Variants in F2RL2 observed in about 807,000 individuals in gnomAD.
The protein encoded by F2RL2 is coagulation factor II thrombin receptor like 2, also known as proteinase-activated receptor 3.
In F2RL2, 4 loss-of-function variants were observed where a neutral mutation model predicts 4.3. The ratio of observed to expected loss-of-function variants is 0.93; its 90% CI spans 0.46 to 2.12. F2RL2 has a LOEUF of 2.12. F2RL2 is among the 30% of genes most tolerant of loss of function. The pLI, the probability that F2RL2 is intolerant of heterozygous loss-of-function variation, is 0.02. For missense variants in F2RL2, 408 were observed against 449.3 expected (o/e 0.91, Z 0.83); for synonymous variants, 166 against 170.9 (o/e 0.97, Z 0.22).
Position 76,619,775 on chromosome 5 carries a change from C to A in F2RL2, c.65-1133G>T, listed in dbSNP as rs549907065. Among the ~76,000 whole-genome samples, 4 of 152,226 alleles carry A rather than the reference C, an allele frequency of 2.6e-5. No homozygotes were observed. The East Asian group carries it at 7.7e-4, about 29-fold the overall frequency. ...CCTCGTGATCTGCCCGCCTCGGCCA[C>A]CCAAAGTGCTGGGATTACAGGCGTG... On this transcript the variant is annotated intron_variant, in intron 1 of 1. Transcript: ENST00000296641.
chr5:76,617,807 A>G lies in F2RL2; in HGVS notation c.900T>C (p.Val300=). The G allele has an allele frequency of 1.9e-6, 3 of 1,613,924 alleles. No homozygotes were observed. The highest frequency in any genetic ancestry group is 2.5e-6 in the Non-Finnish European group (3 of 1,179,864). ...TCACAAGGATGAGGAGACTCGCCTT[A>G]ACATACCACAACCATCTATGATCGT... ...NAYDHRWLWY[V]KASLLILVIF... Residue 300 remains valine, a synonymous_variant, in exon 2 of 2, where the codon GTT becomes GTC. Coordinates refer to ENST00000296641, the MANE Select transcript of F2RL2 (RefSeq NM_004101.4).
intron 1 of F2RL2, among the ~76,000 whole-genome samples, chr5:76,618,974 C>G (rs1749313069): frequency 6.6e-6 from 1 of 152,092 alleles, no homozygotes; most frequent in African/African-American, 2.4e-5. Context: ...TTAATAGATT[C>G]AGATGTTTGA....
rs1748979666 is a variant in F2RL2 at position 76,616,481 on chromosome 5, C to T, written c.*1101G>A. 6.5e-6 allele frequency: 1 copy of T among 152,712 alleles called. No homozygotes were observed. The allele number at this position is 152,712 out of a possible 1,614,324, so 9.5% of individuals were successfully genotyped here. A position where few individuals can be genotyped will look rare whatever the true frequency, so the allele number is the denominator to read the frequency against. ...GAAATGTTTTAGTGATGTATCCTAACTGATATCTAAGGAAGATTAATCTGG... is the reference window on the plus strand; with the variant it reads ...GAAATGTTTTAGTGATGTATCCTAATTGATATCTAAGGAAGATTAATCTGG... On this transcript the variant is annotated 3_prime_UTR_variant, in exon 2 of 2. Transcript: ENST00000296641.
chr5:76,618,359 C>T lies in F2RL2; in HGVS notation c.348G>A (p.Leu116=). Residue 116 remains leucine, a synonymous_variant, in exon 2 of 2, where the codon CTG becomes CTA. Coordinates refer to ENST00000296641, the MANE Select transcript of F2RL2 (RefSeq NM_004101.4). ...VVGVPANAVT[L]WMLFFRTRSI... ...ATCTGGTCCTGAAGAAAAGCATCCA[C>T]AGGGTCACAGCATTGGCCGGGACAC... 2 of 1,614,198 alleles carry T rather than the reference C, an allele frequency of 1.2e-6. No homozygotes were observed. The highest frequency in any genetic ancestry group is 1.7e-6 in the Non-Finnish European group (2 of 1,180,036).
At chr5:76,620,581 A>T (rs1749553118) in intron 1 of F2RL2, among the ~76,000 whole-genome samples, 1 of 152,172 alleles carries the variant, frequency 6.6e-6, no homozygotes, top group Non-Finnish European at 1.5e-5. Context: ...AACTGGTTAG[A>T]AGACTGGATG....
In F2RL2 at chr5:76,616,346, G is replaced by A. The variant is rs543659800; in HGVS notation, c.*1236C>T. ...GGAGATATAGCAGAGCAAGAGGTTT[G>A]GTTGGTGCCTATATCATAAGCAAGG... On this transcript the variant is annotated 3_prime_UTR_variant, in exon 2 of 2. Coordinates refer to ENST00000296641, the MANE Select transcript of F2RL2 (RefSeq NM_004101.4). 6.6e-6 allele frequency: 1 copy of A among 152,660 alleles called. No homozygotes were observed. The highest frequency in any genetic ancestry group is 1.9e-4 in the East Asian group (1 of 5,186). The allele number at this position is 152,660 out of a possible 1,614,324, so 9.5% of individuals were successfully genotyped here.
In F2RL2 at chr5:76,618,194, G is replaced by GA. The variant is rs766441953; in HGVS notation, c.512dup (p.Ile172HisfsTer76). Reference sequence around the variant, plus strand: ...AGCAGTACATGTTGCCATAGAAGATGACTGTGGTGGCCCGGCACAGGACCT... The same window carrying GA: ...AGCAGTACATGTTGCCATAGAAGATGAACTGTGGTGGCCCGGCACAGGACCT... On this transcript the variant is annotated frameshift_variant, in exon 2 of 2. Coordinates refer to ENST00000296641, the MANE Select transcript of F2RL2 (RefSeq NM_004101.4). LOFTEE classifies it low-confidence loss of function (END_TRUNC). The GA allele has an allele frequency of 5.0e-6, 8 of 1,614,190 alleles. No homozygotes were observed. Among genetic ancestry groups the GA allele is most frequent in the Admixed American group, 3.3e-5 (2 of 60,024 alleles).
At chr5:76,619,150 T>C (rs570773726) in intron 1 of F2RL2, among the ~76,000 whole-genome samples, 76 of 152,368 alleles carry the variant, frequency 5.0e-4, no homozygotes, top group Non-Finnish European at 7.8e-4. Flanking sequence ...ATTTTTATTG[T>C]ACATTGATGT....
rs190680932 is a variant in F2RL2, at chr5:76,616,012, A to T, written c.*1570T>A. 2.0e-5 allele frequency: 3 copies of T among 152,650 alleles called. No homozygotes were observed. The highest frequency in any genetic ancestry group is 4.4e-5 in the Non-Finnish European group (3 of 68,040). The allele number at this position is 152,650 out of a possible 1,614,324, so 9.5% of individuals were successfully genotyped here. A position where few individuals can be genotyped will look rare whatever the true frequency, so the allele number is the denominator to read the frequency against. On this transcript the variant is annotated 3_prime_UTR_variant, in exon 2 of 2. Transcript: ENST00000296641. ...TTAAAAATTCATTCAGCCACATAGT[A>T]TTCAAAGCATGGAGCTGGGTGCCAC...
chr5:76,619,249 T>A (rs1211967480), intron 1 of F2RL2, among the ~76,000 whole-genome samples: 2 of 152,216 alleles, frequency 1.3e-5, no homozygotes, highest in Non-Finnish European at 2.9e-5. Context: ...CATTGTCTTA[T>A]GCGAATAAAG....
At chr5:76,621,780 AT>A (rs1237504165) in intron 1 of F2RL2, among the ~76,000 whole-genome samples, 6 of 152,034 alleles carry the variant, frequency 3.9e-5, no homozygotes, top group African/African-American at 9.7e-5. Flanking sequence ...TCATTGTTAA[AT>A]TTTTTTATTG....
chr5:76,619,765 G>T (rs754889171), intron 1 of F2RL2, among the ~76,000 whole-genome samples: 1 of 151,994 alleles, frequency 6.6e-6, no homozygotes, highest in Non-Finnish European at 1.5e-5. Context: ...TGATCTGCCC[G>T]CCTCGGCCAC....
intron 1 of F2RL2, among the ~76,000 whole-genome samples, chr5:76,620,691 G>A (rs1749567340): frequency 6.6e-6 from 1 of 152,126 alleles, no homozygotes. Context: ...GATGGCCTAG[G>A]GGGAGTTATG....
intron 1 of F2RL2, among the ~76,000 whole-genome samples, chr5:76,620,777 C>T (rs1400265579): frequency 3.9e-5 from 6 of 152,132 alleles, no homozygotes; most frequent in South Asian, 2.1e-4. Flanking sequence ...GAGGAAAAAT[C>T]GGAAGATGAA....
intron 1 of F2RL2, among the ~76,000 whole-genome samples, chr5:76,622,918 A>G (rs976878903): frequency 1.3e-5 from 2 of 152,238 alleles, no homozygotes; most frequent in African/African-American, 2.4e-5. Flanking sequence ...TTAATCGTAG[A>G]CATCTAAAAT....
rs1473113857 is a variant in F2RL2, at chr5:76,618,340, T to G, written c.367A>C (p.Thr123Pro). 2.5e-6 allele frequency: 4 copies of G among 1,614,028 alleles called. No homozygotes were observed. In the Admixed American group the frequency reaches 6.7e-5, roughly 27 times the overall value. ...AVTLWMLFFR[T>P]RSICTTVFYT... Reference sequence around the variant, plus strand: ...AATACAGTGGTACAGATGGATCTGGTCCTGAAGAAAAGCATCCACAGGGTC... The same window carrying G: ...AATACAGTGGTACAGATGGATCTGGGCCTGAAGAAAAGCATCCACAGGGTC... The change falls in exon 2 of 2, where the codon ACC (threonine) becomes CCC (proline). Residue 123 changes from threonine to proline, a missense_variant. Physicochemically the swap from Thr to Pro is conservative, Grantham distance 38 (BLOSUM62 -1). Coordinates refer to ENST00000296641, the MANE Select transcript of F2RL2 (RefSeq NM_004101.4).
chr5:76,619,769 C>T (rs1029486893), intron 1 of F2RL2, among the ~76,000 whole-genome samples: 28 of 152,204 alleles, frequency 1.8e-4, no homozygotes, highest in African/African-American at 5.3e-4. Flanking sequence ...CTGCCCGCCT[C>T]GGCCACCCAA....
At chr5:76,619,055 G>A (rs1351084004) in intron 1 of F2RL2, among the ~76,000 whole-genome samples, 1 of 152,204 alleles carries the variant, frequency 6.6e-6, no homozygotes, top group African/African-American at 2.4e-5. Flanking sequence ...AATTTAATGA[G>A]TAAGATTCTG....
chr5:76,617,692 TA>T lies in F2RL2; in HGVS notation c.1014del (p.Phe338LeufsTer5). The T allele has an allele frequency of 1.2e-6, 2 of 1,613,990 alleles. No homozygotes were observed. The highest frequency in any genetic ancestry group is 1.7e-6 in the Non-Finnish European group (2 of 1,179,988). On this transcript the variant is annotated frameshift_variant, in exon 2 of 2. Coordinates refer to ENST00000296641, the MANE Select transcript of F2RL2 (RefSeq NM_004101.4). LOFTEE classifies it high-confidence loss of function. Reference protein sequence around the residue: ...YYYNNTDGLYFIYLIALCLGS... With the variant: ...YYYNNTDGLYXIYLIALCLGS... ...CCCAGGCACAAAGCTATGAGATATA[TA>T]AAATATAAGCCATCAGTGTTGTTGT... is the stretch of plus-strand genomic sequence containing the variant.
Sources: allele counts gnomAD v4.1 joint callset (sites outside exome capture counted in the v4.1 genomes callset), GRCh38; gene constraint gnomAD v4.1.1; transcripts MANE v1.5; gene names NCBI Gene and HGNC (gene_info 2026-07-23, HGNC 2026-07-21).